KHDRBS2: variants seen among roughly 807,000 people sequenced by gnomAD.
The protein encoded by KHDRBS2 is KH domain-containing, RNA-binding, signal transduction-associated protein 2.
Under a neutral mutation model 44.3 loss-of-function variants are expected in KHDRBS2, and 26 were observed. The ratio of observed to expected loss-of-function variants is 0.59; its 90% CI spans 0.43 to 0.81. The LOEUF (loss-of-function observed/expected upper bound fraction) is 0.81, where lower values mean the gene tolerates loss of function less well. KHDRBS2 is among the 40% of genes least tolerant of loss of function. The pLI, the probability that KHDRBS2 is intolerant of heterozygous loss-of-function variation, is 0.00. For missense variants in KHDRBS2, 476 were observed against 433.1 expected, an observed-to-expected ratio of 1.10 and a Z score of -0.88; for synonymous variants, 194 against 151.1, an observed-to-expected ratio of 1.28 and a Z score of -2.08.
At chr6:62,121,264 G>GA (rs1807565246) in intron 2 of KHDRBS2, among the ~76,000 whole-genome samples, 3 of 152,226 alleles carry the variant, frequency 2.0e-5, no homozygotes, top group South Asian at 2.1e-4. Context: ...CATCTACTTA[G>GA]AAAAAATAGT....
intron 7 of KHDRBS2, among the ~76,000 whole-genome samples, chr6:61,702,124 T>C (rs1354818590): frequency 2.6e-5 from 4 of 151,928 alleles, no homozygotes; most frequent in Non-Finnish European, 4.4e-5. Context: ...AGACTTCTCG[T>C]TGTTCCCCTC....
the KHDRBS2 span, among the ~76,000 whole-genome samples, chr6:61,613,384 T>C: frequency 2.0e-5 from 3 of 152,204 alleles, no homozygotes; most frequent in Non-Finnish European, 4.4e-5. Context: ...CAAATCTTGA[T>C]AATATCATAG....
intron 3 of KHDRBS2, among the ~76,000 whole-genome samples, chr6:62,013,031 T>C (rs1252559094): frequency 6.6e-6 from 1 of 152,174 alleles, no homozygotes; most frequent in Admixed American, 6.5e-5. Context: ...GATCACGTCA[T>C]GCATTGTGCT....
At chr6:61,761,252 C>G (rs1184540262) in intron 6 of KHDRBS2, among the ~76,000 whole-genome samples, 4 of 152,262 alleles carry the variant, frequency 2.6e-5, no homozygotes, top group Non-Finnish European at 5.9e-5. Flanking sequence ...AGTCTGGCCT[C>G]TTTTGGAATT....
chr6:62,072,708 A>G (rs1350989311), intron 2 of KHDRBS2, among the ~76,000 whole-genome samples: 7 of 152,076 alleles, frequency 4.6e-5, no homozygotes, highest in Non-Finnish European at 1.0e-4. Context: ...ATCATGGTGG[A>G]TAAGCTTTTT....
the KHDRBS2 span, among the ~76,000 whole-genome samples, chr6:61,568,729 G>A: frequency 6.6e-6 from 1 of 152,162 alleles, no homozygotes; most frequent in Non-Finnish European, 1.5e-5. Context: ...AAAAGTAGAA[G>A]CAGCAGTGGA....
chr6:62,121,961 C>T (rs1486047899), intron 2 of KHDRBS2, among the ~76,000 whole-genome samples: 1 of 152,104 alleles, frequency 6.6e-6, no homozygotes, highest in African/African-American at 2.4e-5. Context: ...CCTACTACCA[C>T]CAAGAAAGAG....
chr6:62,086,080 G>A (rs1798323174), intron 2 of KHDRBS2, among the ~76,000 whole-genome samples: 2 of 152,128 alleles, frequency 1.3e-5, no homozygotes, highest in Non-Finnish European at 2.9e-5. Flanking sequence ...AATTCAACTG[G>A]ATGTTTGAAA....
chr6:62,284,922 T>C (rs1842272675), intron 1 of KHDRBS2, among the ~76,000 whole-genome samples: 1 of 152,158 alleles, frequency 6.6e-6, no homozygotes, highest in Admixed American at 6.5e-5. Context: ...ATAACAAACT[T>C]AGCTACAAAA....
chr6:61,857,620 A>G (rs557290202), intron 6 of KHDRBS2, among the ~76,000 whole-genome samples: 95 of 152,110 alleles, frequency 6.2e-4, no homozygotes, highest in African/African-American at 2.2e-3. Flanking sequence ...AGAAAAAGCC[A>G]TGTTAGCAAC....
intron 1 of KHDRBS2, among the ~76,000 whole-genome samples, chr6:62,270,057 T>C (rs1340101299): frequency 1.3e-5 from 2 of 152,144 alleles, no homozygotes; most frequent in Non-Finnish European, 2.9e-5. Flanking sequence ...TAGGTGGTTC[T>C]TAAAGGAATT....
the KHDRBS2 span, among the ~76,000 whole-genome samples, chr6:61,656,406 G>A: frequency 6.6e-6 from 1 of 151,936 alleles, no homozygotes; most frequent in South Asian, 2.1e-4. Flanking sequence ...GAGGTTAATT[G>A]ACAACTAATA....
intron 2 of KHDRBS2, among the ~76,000 whole-genome samples, chr6:62,107,546 C>G (rs566107115): frequency 6.6e-6 from 1 of 152,104 alleles, no homozygotes; most frequent in African/African-American, 2.4e-5. Context: ...TCAATGCCAT[C>G]CCCATCAAGC....
chr6:61,580,138 C>A, the KHDRBS2 span, among the ~76,000 whole-genome samples: 6 of 152,158 alleles, frequency 3.9e-5, no homozygotes, highest in African/African-American at 1.2e-4. Flanking sequence ...ATGGGTCAAA[C>A]TTTTCTTAGC....
At chr6:62,163,667 T>C (rs1383853185) in intron 2 of KHDRBS2, among the ~76,000 whole-genome samples, 5 of 152,030 alleles carry the variant, frequency 3.3e-5, no homozygotes, top group East Asian at 3.9e-4. Context: ...AGAAAGTGAA[T>C]TATACAATGG....
chr6:61,790,560 A>C (rs573330186), intron 6 of KHDRBS2, among the ~76,000 whole-genome samples: 1 of 151,680 alleles, frequency 6.6e-6, no homozygotes, highest in South Asian at 2.1e-4. Flanking sequence ...TTACTTTTTT[A>C]ATCTGTCCTT....
chr6:62,090,823 C>G (rs1243029230), intron 2 of KHDRBS2, among the ~76,000 whole-genome samples: 2 of 152,092 alleles, frequency 1.3e-5, no homozygotes, highest in African/African-American at 4.8e-5. Flanking sequence ...TTCAAAGTCT[C>G]CTAAATGGAG....
At chr6:61,974,768 T>C (rs1262676119) in intron 4 of KHDRBS2, among the ~76,000 whole-genome samples, 1 of 151,394 alleles carries the variant, frequency 6.6e-6, no homozygotes, top group Non-Finnish European at 1.5e-5. Context: ...TCATCTCTAC[T>C]AAAAATACAA....
intron 3 of KHDRBS2, among the ~76,000 whole-genome samples, chr6:62,025,349 C>T (rs1307944795): frequency 6.6e-6 from 1 of 151,302 alleles, no homozygotes; most frequent in East Asian, 1.9e-4. Flanking sequence ...ATTCTTTTTC[C>T]TAATTTTTTA....
Sources: allele counts gnomAD v4.1 joint callset (sites outside exome capture counted in the v4.1 genomes callset), GRCh38; gene constraint gnomAD v4.1.1; transcripts MANE v1.5; gene names NCBI Gene and HGNC (gene_info 2026-07-23, HGNC 2026-07-21).